CRB1: variants seen among roughly 807,000 people sequenced by gnomAD.
CRB1 encodes crumbs cell polarity complex component 1.
A neutral mutation model predicts 120.0 loss-of-function variants in CRB1; 83 were observed. That is an observed-to-expected ratio of 0.69 (90% confidence interval 0.58 to 0.83). The LOEUF is 0.83. CRB1 is among the 40% of genes least tolerant of loss of function. CRB1 has a pLI of 0.00. For missense variants in CRB1, 1,699 were observed against 1,687.6 expected (o/e 1.01, Z -0.12); for synonymous variants, 625 against 612.5 (o/e 1.02, Z -0.30).
intron 11 of CRB1, among the ~76,000 whole-genome samples, chr1:197,454,048 G>A (rs10801606): frequency 0.93 from 136,742 of 146,750 alleles, 64,594 homozygotes; most frequent in East Asian, 1. Context: ...CTGGTCTCAA[G>A]CTCCCAGGCT....
intron 11 of CRB1, among the ~76,000 whole-genome samples, chr1:197,455,887 A>G (rs1414011694): frequency 1.3e-5 from 2 of 152,116 alleles, no homozygotes; most frequent in Non-Finnish European, 2.9e-5. Context: ...AAACCGTAGA[A>G]ATATTTTGGA....
chr1:197,259,446 C>G, the CRB1 span, among the ~76,000 whole-genome samples: 1 of 152,180 alleles, frequency 6.6e-6, no homozygotes, highest in South Asian at 2.1e-4. Flanking sequence ...CCAAACACTG[C>G]ATGTTCTCAC....
intron 5 of CRB1, among the ~76,000 whole-genome samples, chr1:197,417,066 T>C (rs1357639063): frequency 2.0e-5 from 3 of 151,990 alleles, no homozygotes; most frequent in Non-Finnish European, 4.4e-5. Context: ...TTTGAAGGAG[T>C]GGGTCTATAA....
chr1:197,318,985 T>C (rs1423213336), intron 1 of CRB1, among the ~76,000 whole-genome samples: 1 of 152,098 alleles, frequency 6.6e-6, no homozygotes, highest in Non-Finnish European at 1.5e-5. Context: ...GTTTTTGAAC[T>C]CATTACAAGC....
chr1:197,230,871 TAGAC>T, the CRB1 span, among the ~76,000 whole-genome samples: 6 of 152,290 alleles, frequency 3.9e-5, no homozygotes, highest in South Asian at 1.0e-3. Flanking sequence ...TCAAAAATCT[TAGAC>T]ATGTTATTTA....
the CRB1 span, among the ~76,000 whole-genome samples, chr1:197,210,580 C>T: frequency 0.59 from 88,802 of 151,604 alleles, 29,295 homozygotes; most frequent in East Asian, 0.91. Context: ...CCAATTCCTT[C>T]CAGTCAGTCA....
intron 4 of CRB1, among the ~76,000 whole-genome samples, chr1:197,355,423 G>T (rs1304234345): frequency 6.6e-6 from 1 of 152,216 alleles, no homozygotes; most frequent in Non-Finnish European, 1.5e-5. Flanking sequence ...GCGGTTGATG[G>T]GACCCGGCGC....
At chr1:197,247,023 A>G in the CRB1 span, among the ~76,000 whole-genome samples, 1 of 152,060 alleles carries the variant, frequency 6.6e-6, no homozygotes, top group African/African-American at 2.4e-5. Flanking sequence ...AAATATAATT[A>G]TCTATAGCAA....
intron 1 of CRB1, among the ~76,000 whole-genome samples, chr1:197,291,251 A>G (rs996851866): frequency 6.6e-6 from 1 of 151,906 alleles, no homozygotes; most frequent in Admixed American, 6.6e-5. Flanking sequence ...ATACTTAAAT[A>G]TATAAGTGAG....
In CRB1 at chr1:197,421,545, A is replaced by G. The variant is rs771261293; in HGVS notation, c.1717A>G (p.Ile573Val). Residue 573 changes from isoleucine to valine, a missense_variant, in exon 6 of 12, where the codon ATA (isoleucine) becomes GTA (valine). By Grantham distance (29) the Ile-to-Val change is conservative (BLOSUM62 3). Coordinates refer to ENST00000367400, the MANE Select transcript of CRB1 (RefSeq NM_201253.3). ...SDGEWHFVEV[I>V]FAEAVTLTLI... ...TGGAGAGTGGCATTTCGTGGAGGTA[A>G]TATTTGCAGAGGCTGTGACCCTTAC... 2.5e-6 allele frequency: 4 copies of G among 1,614,222 alleles called. No homozygotes were observed. The highest frequency in any genetic ancestry group is 3.4e-6 in the Non-Finnish European group (4 of 1,180,044).
chr1:197,243,142 A>AT, the CRB1 span, among the ~76,000 whole-genome samples: 10 of 151,390 alleles, frequency 6.6e-5, no homozygotes, highest in African/African-American at 1.5e-4. Context: ...GGATTCATTG[A>AT]TTTTTTTGAA....
At chr1:197,373,822 C>T (rs556739293) in intron 5 of CRB1, among the ~76,000 whole-genome samples, 96 of 152,024 alleles carry the variant, frequency 6.3e-4, no homozygotes, top group Admixed American at 1.4e-3. Flanking sequence ...TGCTAGGTGG[C>T]CTTTATGACA....
intron 2 of CRB1, among the ~76,000 whole-genome samples, chr1:197,334,154 G>A (rs1391401568): frequency 6.6e-6 from 1 of 152,188 alleles, no homozygotes; most frequent in African/African-American, 2.4e-5. Flanking sequence ...CCCATGTGAT[G>A]CTGATGCTGT....
chr1:197,348,670 G>A (rs1659917813), intron 4 of CRB1, among the ~76,000 whole-genome samples: 1 of 151,926 alleles, frequency 6.6e-6, no homozygotes, highest in Non-Finnish European at 1.5e-5. Context: ...TAGAGACGGG[G>A]TTTCACTGTG....
chr1:197,416,388 G>A (rs1045357356), intron 5 of CRB1, among the ~76,000 whole-genome samples: 1 of 151,622 alleles, frequency 6.6e-6, no homozygotes, highest in South Asian at 2.1e-4. Flanking sequence ...ATATATTATC[G>A]ACATCTGCTG....
At chr1:197,464,722 C>A (rs1666679433) in intron 11 of CRB1, among the ~76,000 whole-genome samples, 1 of 151,730 alleles carries the variant, frequency 6.6e-6, no homozygotes, top group African/African-American at 2.4e-5. Context: ...AGTATGATAC[C>A]AAGTATGAGA....
At chr1:197,356,271 T>C (rs993246531) in intron 4 of CRB1, among the ~76,000 whole-genome samples, 1 of 152,260 alleles carries the variant, frequency 6.6e-6, no homozygotes, top group African/African-American at 2.4e-5. Flanking sequence ...CTTTCATTGA[T>C]ATTTAATGTT....
At chr1:197,298,696 A>G (rs538030522) in intron 1 of CRB1, among the ~76,000 whole-genome samples, 3 of 152,270 alleles carry the variant, frequency 2.0e-5, no homozygotes, top group African/African-American at 7.2e-5. Context: ...CAAGGGGTAA[A>G]TATATAAAAC....
At chr1:197,396,796 C>G (rs1219249126) in intron 5 of CRB1, among the ~76,000 whole-genome samples, 3 of 152,098 alleles carry the variant, frequency 2.0e-5, no homozygotes, top group Non-Finnish European at 4.4e-5. Context: ...AAATTTTATA[C>G]AATCAAATGC....
Sources: allele counts gnomAD v4.1 joint callset (sites outside exome capture counted in the v4.1 genomes callset), GRCh38; gene constraint gnomAD v4.1.1; transcripts MANE v1.5; gene names NCBI Gene and HGNC (gene_info 2026-07-23, HGNC 2026-07-21).